Variants in DIP2C observed in about 807,000 individuals in gnomAD.
DIP2C encodes the protein DIP2 acetate--CoA ligase C (putative).
DIP2C carries 33 observed loss-of-function variants against 192.4 expected under a neutral mutation model. The observed-to-expected ratio is 0.17, with a 90% CI of 0.13 to 0.23. The LOEUF (loss-of-function observed/expected upper bound fraction) is 0.23, where lower values mean the gene tolerates loss of function less well. Among genes scored for constraint, DIP2C ranks in the 10% least tolerant of loss-of-function variants. The pLI is 1.00. For synonymous variants in DIP2C, 979 were observed against 864.1 expected, an observed-to-expected ratio of 1.13 and a Z score of -2.33; for missense variants, 1,537 against 2,110.1, an observed-to-expected ratio of 0.73 and a Z score of 5.32.
chr10:594,610 T>C (rs1476489611), intron 1 of DIP2C, among the ~76,000 whole-genome samples: 1 of 152,102 alleles, frequency 6.6e-6, no homozygotes, highest in Non-Finnish European at 1.5e-5. Flanking sequence ...GTATAAACCA[T>C]TTCAACGTAA....
At position 651,381 on chromosome 10, in the gene DIP2C, C is replaced by T. The variant is rs1369409513; in HGVS notation, c.85+38113G>A. The T allele has an allele frequency of 1.4e-6, 1 of 701,220 alleles. No homozygotes were observed. Among genetic ancestry groups the T allele is most frequent in the African/African-American group, 1.7e-5 (1 of 57,208 alleles). 43.4% of individuals were successfully genotyped at this position (701,220 alleles called of 1,614,324 possible). A position where few individuals can be genotyped will look rare whatever the true frequency, so the allele number is the denominator to read the frequency against. The stretch of plus-strand genomic sequence containing the variant: ...ACTGTGCTCAGGTCCCAGGGAGGCC[C>T]CAGCAAACTGTGGAACAACCAAACT... On this transcript the variant is annotated intron_variant, in intron 1 of 36. Transcript: ENST00000280886. This position sits in a 1 kb window ranked among gnomAD's most constrained non-coding sequence, Gnocchi z 4.1.
chr10:437,209 C>T (rs969169801), intron 4 of DIP2C, among the ~76,000 whole-genome samples: 2 of 150,728 alleles, frequency 1.3e-5, no homozygotes, highest in African/African-American at 4.9e-5. Flanking sequence ...CCAAGCTCCA[C>T]CTCCTGGATG....
chr10:287,175 G>A (rs1239571401), intron 33 of DIP2C, among the ~76,000 whole-genome samples: 1 of 151,802 alleles, frequency 6.6e-6, no homozygotes, highest in African/African-American at 2.4e-5. Flanking sequence ...ACAGCTTACT[G>A]TAGCCTTAAG....
chr10:365,026 A>C (rs775133083), intron 19 of DIP2C: 1 of 530,806 alleles, frequency 1.9e-6, no homozygotes, highest in Non-Finnish European at 3.9e-6. Context: ...AGTATGCTGA[A>C]AAGAAAAATA....
At chr10:598,302 C>T (rs1851839337) in intron 1 of DIP2C, among the ~76,000 whole-genome samples, 1 of 152,226 alleles carries the variant, frequency 6.6e-6, no homozygotes, top group African/African-American at 2.4e-5. Flanking sequence ...TCTCTTCCCA[C>T]CCCGAGGGCA....
chr10:481,720 G>A (rs868162458), intron 2 of DIP2C, among the ~76,000 whole-genome samples: 12 of 152,200 alleles, frequency 7.9e-5, no homozygotes, highest in African/African-American at 2.2e-4. Context: ...GCTTCACGTG[G>A]ATCTGAGCAT....
intron 1 of DIP2C, among the ~76,000 whole-genome samples, chr10:603,261 T>G (rs1307578071): frequency 8.3e-6 from 1 of 119,948 alleles, no homozygotes; most frequent in Non-Finnish European, 1.6e-5. Context: ...GCTGCGCCAC[T>G]GTACTCCAAT....
At chr10:565,354 T>TAAAATAAAATA (rs376030794) in intron 1 of DIP2C, among the ~76,000 whole-genome samples, 9 of 114,112 alleles carry the variant, frequency 7.9e-5, no homozygotes, top group Admixed American at 2.6e-4. Flanking sequence ...ACCTGCATTC[T>TAAAATAAAATA]AAAAAAAAAA....
At position 480,577 on chromosome 10, in the gene DIP2C, C is replaced by T. The variant is rs184777839; in HGVS notation, c.157+5882G>A. Among the ~76,000 whole-genome samples the T allele has an allele frequency of 1.3e-4, 20 of 152,370 alleles. No individual in the cohort carries two copies. In the East Asian group the frequency reaches 3.3e-3, roughly 25 times the overall value. On this transcript the variant is annotated intron_variant, in intron 2 of 36. Transcript: ENST00000280886. Reference sequence around the variant, plus strand: ...ACGTTTCTGCACTTTGCTTACACCTCGGATTTTTCACAAAACCCACGTGAG... The same window carrying T: ...ACGTTTCTGCACTTTGCTTACACCTTGGATTTTTCACAAAACCCACGTGAG...
At chr10:681,008 G>C (rs1054999921) in intron 1 of DIP2C, among the ~76,000 whole-genome samples, 2 of 151,456 alleles carry the variant, frequency 1.3e-5, no homozygotes, top group Admixed American at 6.6e-5. Context: ...GAAATTCCAA[G>C]GAATGCAGGC....
chr10:622,905 C>T (rs1247757653), intron 1 of DIP2C, among the ~76,000 whole-genome samples: 2 of 152,166 alleles, frequency 1.3e-5, no homozygotes, highest in Non-Finnish European at 2.9e-5. Flanking sequence ...AATTAGAGCT[C>T]GAGAAGCTCA....
intron 1 of DIP2C, among the ~76,000 whole-genome samples, chr10:564,690 G>T (rs1849371836): frequency 6.6e-6 from 1 of 152,118 alleles, no homozygotes; most frequent in Non-Finnish European, 1.5e-5. Context: ...AGGACTCAAT[G>T]AGCCAATATG....
At chr10:408,338 T>C (rs192277286) in intron 9 of DIP2C, among the ~76,000 whole-genome samples, 139 of 152,368 alleles carry the variant, frequency 9.1e-4, no homozygotes, top group African/African-American at 3.1e-3. Flanking sequence ...GTTGTGATTA[T>C]TATAAGCTTT....
chr10:585,580 CTGGGTATAATTTACA>C (rs1189952143), intron 1 of DIP2C, among the ~76,000 whole-genome samples: 1 of 152,138 alleles, frequency 6.6e-6, no homozygotes, highest in African/African-American at 2.4e-5. Flanking sequence ...TGAAATGATC[CTGGGTATAATTTACA>C]TGGACACAGG....
At position 390,050 on chromosome 10, in the gene DIP2C, G is replaced by T; in HGVS notation, c.1538C>A (p.Thr513Lys). The change falls in exon 13 of 37, where the codon ACG becomes AAG. Residue 513 changes from threonine to lysine, a missense_variant. Physicochemically the swap from Thr to Lys is moderately conservative, Grantham distance 78 (BLOSUM62 -1). Coordinates refer to ENST00000280886, the MANE Select transcript of DIP2C (RefSeq NM_014974.3). ...KDGSVLGVTV[T>K]RTALLTHCQA... is the part of the protein sequence containing the mutation. ...GCAGTGTGTCAGCAGCGCAGTCCTC[G>T]TCACCGTCACACCCAGCACACTGCC... The T allele has an allele frequency of 1.2e-6, 2 of 1,614,116 alleles. No homozygotes were observed. Among genetic ancestry groups the T allele is most frequent in the East Asian group, 4.5e-5 (2 of 44,878 alleles).
chr10:435,348 G>A (rs573808845), intron 4 of DIP2C, among the ~76,000 whole-genome samples: 8 of 152,254 alleles, frequency 5.3e-5, no homozygotes, highest in South Asian at 2.1e-4. Flanking sequence ...CCTATTCTCC[G>A]TCCCCTGTAG....
intron 11 of DIP2C, 91 bp from the exon 12 acceptor site, chr10:390,464 C>T (rs776572715): frequency 5.5e-6 from 7 of 1,268,542 alleles, no homozygotes; most frequent in Non-Finnish European, 8.0e-6. Context: ...CTTTCAAACA[C>T]GTCAACTAGA....
At chr10:608,845 T>G (rs1852863037) in intron 1 of DIP2C, among the ~76,000 whole-genome samples, 1 of 151,050 alleles carries the variant, frequency 6.6e-6, no homozygotes, top group African/African-American at 2.4e-5. Flanking sequence ...TGAAGGATTT[T>G]ACATACCACG....
At chr10:351,262 C>T (rs1338435655) in intron 24 of DIP2C, among the ~76,000 whole-genome samples, 1 of 152,164 alleles carries the variant, frequency 6.6e-6, no homozygotes, top group East Asian at 1.9e-4. Context: ...TCGAAGGGCC[C>T]GTGTCAGAAA....
Sources: gnomAD v4.1 joint callset for allele counts (sites outside exome capture counted in the v4.1 genomes callset) on GRCh38, gnomAD v4.1.1 for gene constraint, Gnocchi (gnomAD v3.1) non-coding constraint, MANE v1.5 for transcripts, NCBI Gene and HGNC (gene_info 2026-07-23, HGNC 2026-07-21) for gene names.